The following RAB7A variants were observed in gnomAD, a reference collection of about 807,000 sequenced individuals.
The protein encoded by RAB7A is ras-related protein Rab-7a.
In RAB7A, 2 loss-of-function variants were observed where a neutral mutation model predicts 24.5. The ratio of observed to expected loss-of-function variants is 0.08; its 90% CI spans 0.03 to 0.26. The LOEUF is 0.26. Among genes scored for constraint, RAB7A ranks in the 10% least tolerant of loss-of-function variants. The pLI, the probability that RAB7A is intolerant of heterozygous loss-of-function variation, is 1.00. For missense variants in RAB7A, 118 were observed against 255.7 expected (o/e 0.46, Z 3.67); for synonymous variants, 100 against 95.9 (o/e 1.04, Z -0.25).
chr3:128,745,012 T>C (rs2070596682), intron 1 of RAB7A, among the ~76,000 whole-genome samples: 1 of 151,944 alleles, frequency 6.6e-6, no homozygotes, highest in Non-Finnish European at 1.5e-5. Context: ...TAGCTGGGAC[T>C]ACAGGCATCC....
At chr3:128,743,792 C>CTT (rs35973437) in intron 1 of RAB7A, among the ~76,000 whole-genome samples, 10 of 141,240 alleles carry the variant, frequency 7.1e-5, no homozygotes, top group Admixed American at 1.4e-4. Context: ...TTCTCTCTCT[C>CTT]TTTTTTTTTT....
chr3:128,784,684 G>C (rs971099668), intron 1 of RAB7A, among the ~76,000 whole-genome samples: 1 of 152,138 alleles, frequency 6.6e-6, no homozygotes, highest in African/African-American at 2.4e-5. Context: ...AAGGAAAACT[G>C]TTTGTTCCCT....
chr3:128,728,191 C>G (rs1024918392), intron 1 of RAB7A, among the ~76,000 whole-genome samples: 2 of 152,110 alleles, frequency 1.3e-5, no homozygotes, highest in African/African-American at 4.8e-5. Flanking sequence ...TGATCTTGGC[C>G]AGAAATTCTG....
intron 1 of RAB7A, among the ~76,000 whole-genome samples, chr3:128,777,411 A>G (rs1177381381): frequency 6.6e-6 from 1 of 152,080 alleles, no homozygotes; most frequent in Non-Finnish European, 1.5e-5. Flanking sequence ...TATGTGGCCC[A>G]GGCTGTTCTT....
chr3:128,797,900 C>T (rs372458845), intron 2 of RAB7A, 43 bp from the exon 3 acceptor site: 905 of 1,606,162 alleles, frequency 5.6e-4, no homozygotes, highest in Middle Eastern at 3.5e-3. Context: ...AGTTTCAGGA[C>T]CCTCCTATTT....
intron 1 of RAB7A, among the ~76,000 whole-genome samples, chr3:128,758,973 G>T (rs2107595238): frequency 6.6e-6 from 1 of 152,286 alleles, no homozygotes; most frequent in South Asian, 2.1e-4. Context: ...CTCAGGCTTT[G>T]GTTGAGTAGT....
At chr3:128,737,486 G>A (rs951109689) in intron 1 of RAB7A, among the ~76,000 whole-genome samples, 12 of 151,622 alleles carry the variant, frequency 7.9e-5, no homozygotes, top group Non-Finnish European at 1.5e-4. Flanking sequence ...TGGGACTACA[G>A]GTGTGCACCA....
At chr3:128,808,045 A>T (rs921827706) in intron 5 of RAB7A, among the ~76,000 whole-genome samples, 7 of 152,086 alleles carry the variant, frequency 4.6e-5, no homozygotes, top group African/African-American at 1.7e-4. Context: ...ACCAATCGTT[A>T]TATCTAGTTT....
chr3:128,795,479 G>A, intron 2 of RAB7A, 59 bp downstream of exon 2: 5 of 1,481,570 alleles, frequency 3.4e-6, no homozygotes, highest in Admixed American at 1.7e-5. Flanking sequence ...TCTCTGCTGT[G>A]GAGCCCACAC....
At chr3:128,738,301 G>C (rs1167722269) in intron 1 of RAB7A, among the ~76,000 whole-genome samples, 1 of 152,128 alleles carries the variant, frequency 6.6e-6, no homozygotes, top group Non-Finnish European at 1.5e-5. Context: ...CAAGGTGCTA[G>C]GATTACAGAT....
chr3:128,730,271 C>G (rs1461580140), intron 1 of RAB7A, among the ~76,000 whole-genome samples: 1 of 151,646 alleles, frequency 6.6e-6, no homozygotes, highest in African/African-American at 2.4e-5. Context: ...GCTTTGTAGC[C>G]CAGGCTGGAG....
rs1297486093 is a variant in RAB7A at position 128,726,278 on chromosome 3, G to A, written c.-90G>A. 6.5e-6 allele frequency: 1 copy of A among 152,760 alleles called. No individual in the cohort carries two copies. The highest frequency in any genetic ancestry group is 1.5e-5 in the Non-Finnish European group (1 of 68,326). 9.5% of individuals were successfully genotyped at this position (152,760 alleles called of 1,614,324 possible). ...CTGGAACCAGAACTTGGACCTTCTC[G>A]CTTCTGTCCTCCGTTTAGTCTCCTC... is the stretch of plus-strand genomic sequence containing the variant. On this transcript the variant is annotated 5_prime_UTR_variant, in exon 1 of 6. Transcript: ENST00000265062.
intron 3 of RAB7A, 102 bp downstream of exon 3, chr3:128,798,171 ATTATC>A: frequency 4.8e-6 from 7 of 1,459,920 alleles, no homozygotes; most frequent in South Asian, 1.2e-5. Flanking sequence ...TTCAAATCTT[ATTATC>A]TTATTTGTAG....
intron 1 of RAB7A, among the ~76,000 whole-genome samples, chr3:128,761,155 C>A (rs919516226): frequency 1.3e-5 from 2 of 152,254 alleles, no homozygotes; most frequent in East Asian, 3.9e-4. Flanking sequence ...AAAATTCTGG[C>A]CTGTATTCTT....
Position 128,807,686 on chromosome 3 carries a change from G to C in RAB7A, c.528+15G>C, listed in dbSNP as rs781340029. 1.7e-5 allele frequency: 28 copies of C among 1,614,006 alleles called. No individual in the cohort carries two copies. The highest frequency in any genetic ancestry group is 2.4e-5 in the Non-Finnish European group (28 of 1,180,024). On this transcript the variant is annotated intron_variant, in intron 5 of 5. Transcript: ENST00000265062. ...CACTTAAGCAGGTGGGTCTCCCACA[G>C]CTGACCAGCCCACTCTGGTGATGCC...
intron 1 of RAB7A, among the ~76,000 whole-genome samples, chr3:128,791,768 C>T (rs1341379766): frequency 1.3e-5 from 2 of 152,170 alleles, no homozygotes; most frequent in East Asian, 3.9e-4. Context: ...TACTTGCACC[C>T]CCAGGATTGA....
At chr3:128,737,965 C>T (rs2070509373) in intron 1 of RAB7A, among the ~76,000 whole-genome samples, 1 of 150,234 alleles carries the variant, frequency 6.7e-6, no homozygotes, top group Non-Finnish European at 1.5e-5. Context: ...AATGAATCAC[C>T]ATGCCCAGCT....
chr3:128,801,238 C>T (rs1294445733), intron 3 of RAB7A, among the ~76,000 whole-genome samples: 1 of 152,190 alleles, frequency 6.6e-6, no homozygotes, highest in African/African-American at 2.4e-5. Flanking sequence ...GATGCGGTGG[C>T]TCATGCCTGT....
intron 1 of RAB7A, among the ~76,000 whole-genome samples, chr3:128,730,012 A>AG (rs1271066164): frequency 1.3e-5 from 2 of 152,216 alleles, no homozygotes; most frequent in African/African-American, 4.8e-5. Flanking sequence ...CATGTAAGGA[A>AG]GGCTACCATT....
Sources: gnomAD v4.1 joint callset for allele counts (sites outside exome capture counted in the v4.1 genomes callset) on GRCh38, gnomAD v4.1.1 for gene constraint, MANE v1.5 for transcripts, NCBI Gene and HGNC (gene_info 2026-07-23, HGNC 2026-07-21) for gene names.